ATP8A1: variants seen among roughly 807,000 people sequenced by gnomAD.
The protein encoded by ATP8A1 is ATPase phospholipid transporting 8A1, also known as phospholipid-transporting ATPase IA.
ATP8A1 carries 90 observed loss-of-function variants against 177.7 expected under a neutral mutation model. The ratio of observed to expected loss-of-function variants is 0.51; its 90% CI spans 0.43 to 0.60. ATP8A1 has a LOEUF of 0.60. Ranked by LOEUF, ATP8A1 falls within the 20% of genes least tolerant of loss-of-function variation. ATP8A1 has a pLI of 0.00. For synonymous variants in ATP8A1, 493 were observed against 485.9 expected (o/e 1.01, Z -0.19); for missense variants, 1,072 against 1,392.8 (o/e 0.77, Z 3.67).
intron 1 of ATP8A1, among the ~76,000 whole-genome samples, chr4:42,640,860 A>T (rs192949083): frequency 1.6e-4 from 25 of 152,204 alleles, no homozygotes; most frequent in Admixed American, 1.2e-3. Context: ...TCCCTTTTAG[A>T]GAATGTGGAT....
intron 6 of ATP8A1, chr4:42,594,329 T>C (rs545157347): frequency 6.2e-7 from 1 of 1,603,160 alleles, no homozygotes; most frequent in Admixed American, 1.7e-5. Flanking sequence ...ATATACTCTT[T>C]GCCTTTTATT....
At chr4:42,617,055 G>GGAACAAATGTA (rs1283075063) in intron 4 of ATP8A1, among the ~76,000 whole-genome samples, 2 of 152,130 alleles carry the variant, frequency 1.3e-5, no homozygotes, top group Non-Finnish European at 2.9e-5. Context: ...AATATGGGTT[G>GGAACAAATGTA]GAACAAATGT....
intron 20 of ATP8A1, 112 bp from the exon 21 acceptor site, chr4:42,524,959 T>C (rs2153199505): frequency 3.4e-6 from 2 of 583,634 alleles, no homozygotes; most frequent in Non-Finnish European, 5.9e-6. Flanking sequence ...CAATCTCTTT[T>C]GGCATTCGTT....
At chr4:42,544,827 T>C (rs530247235) in intron 19 of ATP8A1, among the ~76,000 whole-genome samples, 4 of 152,298 alleles carry the variant, frequency 2.6e-5, no homozygotes, top group Non-Finnish European at 5.9e-5. Flanking sequence ...TATGGTATCA[T>C]AGTGTACAGT....
At chr4:42,550,283 ATTC>A in intron 18 of ATP8A1, among the ~76,000 whole-genome samples, 1 of 150,500 alleles carries the variant, frequency 6.6e-6, no homozygotes, top group South Asian at 2.1e-4. Context: ...TCAATAACTC[ATTC>A]TTTTTTATTG....
chr4:42,600,925 T>G (rs116133240), intron 5 of ATP8A1, among the ~76,000 whole-genome samples: 2 of 152,010 alleles, frequency 1.3e-5, no homozygotes, highest in Non-Finnish European at 2.9e-5. Context: ...TCTAATAGTT[T>G]AGTAAAAATT....
intron 15 of ATP8A1, among the ~76,000 whole-genome samples, chr4:42,556,770 AAGTGGGAATGTCAAAAGAAAAGG>A (rs1730282263): frequency 6.6e-6 from 1 of 152,166 alleles, no homozygotes; most frequent in African/African-American, 2.4e-5. Context: ...CAAGGAACAC[AAGTGGGAATGTCAAAAGAAAAGG>A]GTATAGTTTG....
intron 1 of ATP8A1, among the ~76,000 whole-genome samples, chr4:42,637,492 C>T (rs1739518060): frequency 6.6e-6 from 1 of 152,200 alleles, no homozygotes; most frequent in Admixed American, 6.5e-5. Flanking sequence ...TCATGTAAAA[C>T]ATGGTTATCT....
chr4:42,464,912 G>A lies in ATP8A1; in HGVS notation c.2489C>T (p.Ser830Phe). The change falls in exon 26 of 37, where the codon TCT becomes TTT. Residue 830 changes from serine to phenylalanine, a missense_variant. This residue lies in a region of ATP8A1 where 316 missense variants were observed against 459.1 expected (regional missense o/e 0.69). Transcript: ENST00000381668. The stretch of plus-strand genomic sequence containing the variant: ...CTTTACCTGAGCTATGGAGTAGTCA[G>A]AGGAATTAGCTGCCTGCAGGCCTTC... ...GNEGLQAANS[S>F]DYSIAQFKYL... The A allele has an allele frequency of 6.2e-7, 1 of 1,614,202 alleles. No homozygotes were observed. The highest frequency in any genetic ancestry group is 8.5e-7 in the Non-Finnish European group (1 of 1,180,018).
chr4:42,446,743 G>T (rs1226614734), intron 30 of ATP8A1, 99 bp from the exon 31 acceptor site: 13 of 1,097,096 alleles, frequency 1.2e-5, no homozygotes. Context: ...GGGAAATCAA[G>T]GGATACACAA....
At chr4:42,545,893 G>C (rs1728863261) in intron 19 of ATP8A1, among the ~76,000 whole-genome samples, 1 of 152,160 alleles carries the variant, frequency 6.6e-6, no homozygotes, top group Admixed American at 6.5e-5. Context: ...AGAATAGCTT[G>C]AACCTGGGAG....
chr4:42,490,293 A>C (rs188917972), intron 24 of ATP8A1, among the ~76,000 whole-genome samples: 1 of 151,790 alleles, frequency 6.6e-6, no homozygotes, highest in Admixed American at 6.6e-5. Flanking sequence ...ACCCAACACA[A>C]CCTCTAGGTT....
intron 18 of ATP8A1, among the ~76,000 whole-genome samples, chr4:42,550,183 C>T (rs1729355484): frequency 7.2e-6 from 1 of 138,402 alleles, no homozygotes; most frequent in African/African-American, 2.7e-5. Flanking sequence ...AGGATGCACT[C>T]CTTTGTGTCT....
At chr4:42,419,706 A>C (rs1469983908) in intron 35 of ATP8A1, among the ~76,000 whole-genome samples, 1 of 152,222 alleles carries the variant, frequency 6.6e-6, no homozygotes, top group Non-Finnish European at 1.5e-5. Flanking sequence ...AGTAGATATA[A>C]AATTTGCTAA....
intron 9 of ATP8A1, among the ~76,000 whole-genome samples, chr4:42,582,011 ACC>A (rs1349971895): frequency 6.6e-6 from 1 of 152,128 alleles, no homozygotes; most frequent in Non-Finnish European, 1.5e-5. Flanking sequence ...AGTTCTTACC[ACC>A]AATGTAATGG....
chr4:42,505,142 T>C (rs1724241546), intron 23 of ATP8A1, among the ~76,000 whole-genome samples: 1 of 152,234 alleles, frequency 6.6e-6, no homozygotes, highest in East Asian at 1.9e-4. Flanking sequence ...TGCGTTTCTC[T>C]GACTAGTATC....
chr4:42,620,390 T>C (rs753468056), intron 4 of ATP8A1, among the ~76,000 whole-genome samples: 1 of 152,240 alleles, frequency 6.6e-6, no homozygotes, highest in Non-Finnish European at 1.5e-5. Flanking sequence ...TAGGACTGCA[T>C]GATTAGCAAC....
At chr4:42,610,026 C>T (rs1993677) in intron 5 of ATP8A1, among the ~76,000 whole-genome samples, 146,117 of 152,174 alleles carry the variant, frequency 0.96, 70,396 homozygotes, top group East Asian at 1. Flanking sequence ...TCCACAGTAA[C>T]GCTCATATTA....
Position 42,590,900 on chromosome 4 carries a change from TA to T in ATP8A1, c.451-17del. 6.7e-7 allele frequency: 1 copy of T among 1,494,712 alleles called. No homozygotes were observed. Among genetic ancestry groups the T allele is most frequent in the Admixed American group, 2.1e-5 (1 of 46,902 alleles). The allele number at this position is 1,494,712 out of a possible 1,614,324, so 92.6% of individuals were successfully genotyped here. ...CTACTGCCACCTACACGTCCCAGTA[TA>T]AAATAATTAAAATGGCCAAAAAAAA... is the stretch of plus-strand genomic sequence containing the variant. On this transcript the variant is annotated splice_polypyrimidine_tract_variant and intron_variant, in intron 6 of 36. Transcript: ENST00000381668.
Sources: allele counts gnomAD v4.1 joint callset (sites outside exome capture counted in the v4.1 genomes callset), GRCh38; gene constraint gnomAD v4.1.1; regional missense constraint gnomAD v4.1.1; transcripts MANE v1.5; gene names NCBI Gene and HGNC (gene_info 2026-07-23, HGNC 2026-07-21).